The following ZNF263 variants were observed in gnomAD, a reference collection of about 807,000 sequenced individuals.
ZNF263 encodes the protein zinc finger protein 263, also known as zinc finger protein FPM315.
A neutral mutation model predicts 63.1 loss-of-function variants in ZNF263; 49 were observed. The observed-to-expected ratio is 0.78, with a 90% CI of 0.62 to 0.99. The LOEUF (loss-of-function observed/expected upper bound fraction) is 0.99. ZNF263 is among the 50% of genes least tolerant of loss of function. The pLI is 0.00. For missense variants in ZNF263, 872 were observed against 854.8 expected (o/e 1.02, Z -0.25); for synonymous variants, 352 against 324.2 (o/e 1.09, Z -0.92).
chr16:3,299,545 C>T lies in ZNF263; in HGVS notation c.*46+389C>T, dbSNP rs1337825325. On this transcript the variant is annotated intron_variant, in intron 2 of 2. Transcript: ENST00000574674. Reference sequence around the variant, plus strand: ...ATCTCCTTTCTCTTGCTCATCATCACTTTCTTCAAATATTACAAGACTCTC... The same window carrying T: ...ATCTCCTTTCTCTTGCTCATCATCATTTTCTTCAAATATTACAAGACTCTC... 2.0e-6 allele frequency: 3 copies of T among 1,526,226 alleles called. No homozygotes were observed. Among genetic ancestry groups the T allele is most frequent in the Non-Finnish European group, 2.6e-6 (3 of 1,141,006 alleles). 94.5% of individuals were successfully genotyped at this position (1,526,226 alleles called of 1,614,324 possible). A position where few individuals can be genotyped will look rare whatever the true frequency, so the allele number is the denominator to read the frequency against.
At chr16:3,286,225 G>C in intron 4 of ZNF263, 76 bp downstream of exon 4, 1 of 1,502,080 alleles carries the variant, frequency 6.7e-7, no homozygotes, top group South Asian at 1.4e-5. Context: ...TTCACCTCCT[G>C]GACACAGACT....
downstream of ZNF263, among the ~76,000 whole-genome samples, chr16:3,292,485 A>G (rs1320574257): frequency 6.6e-6 from 1 of 152,190 alleles, no homozygotes; most frequent in East Asian, 1.9e-4. Flanking sequence ...CAACAGTGGT[A>G]GGAGCAGGAC....
intron 2 of ZNF263, chr16:3,300,263 C>G: frequency 6.2e-7 from 1 of 1,614,222 alleles, no homozygotes; most frequent in Non-Finnish European, 8.5e-7. Context: ...GCTTTGAAAT[C>G]TGTTCGCCCA....
Position 3,283,967 on chromosome 16 carries a change from A to G in ZNF263, c.149A>G (p.Gln50Arg), listed in dbSNP as rs1274861395. 1.2e-6 allele frequency: 2 copies of G among 1,613,940 alleles called. No homozygotes were observed. The highest frequency in any genetic ancestry group is 1.7e-6 in the Non-Finnish European group (2 of 1,179,990). The change falls in exon 1 of 6, where the codon CAA becomes CGA. Residue 50 changes from glutamine (Q) to arginine (R), a missense_variant. By Grantham distance (43) the Gln-to-Arg change is conservative. Transcript: ENST00000219069. ...TTGCGCTTCAGACGGTTCCGCTTCCAAGAGGCAGCTGGTCCCCGGGAAGCC... is the reference window on the plus strand; with the variant it reads ...TTGCGCTTCAGACGGTTCCGCTTCCGAGAGGCAGCTGGTCCCCGGGAAGCC... ...SHLRFRRFRFQEAAGPREALS... is the reference protein window; with the variant it reads ...SHLRFRRFRFREAAGPREALS...
At chr16:3,299,043 A>G (rs778748902) in intron 1 of ZNF263, 1 of 1,381,102 alleles carries the variant, frequency 7.2e-7, no homozygotes, top group Non-Finnish European at 9.4e-7. Context: ...AAAAGCTACC[A>G]ATTCTAGAAT....
At chr16:3,287,700 C>G (rs1959430228) in intron 4 of ZNF263, among the ~76,000 whole-genome samples, 1 of 151,906 alleles carries the variant, frequency 6.6e-6, no homozygotes, top group African/African-American at 2.4e-5. Flanking sequence ...AGAAATGGCA[C>G]TTGTGGGTTT....
In ZNF263 at chr16:3,283,878, G is replaced by C. The variant is rs148847911; in HGVS notation, c.60G>C (p.Glu20Asp). The C allele has an allele frequency of 4.1e-5, 66 of 1,609,014 alleles. No homozygotes were observed. The African/African-American group carries it at 7.7e-4, about 19-fold the overall frequency. ...REGLLIVKLE[E>D]DCAWSQELPP... ...GGCTCCTGATAGTGAAGCTGGAGGA[G>C]GACTGCGCCTGGAGCCAGGAGCTGC... is the stretch of plus-strand genomic sequence containing the variant. Residue 20 changes from glutamate (E) to aspartate (D), a missense_variant, in exon 1 of 6, where the codon GAG (glutamate) becomes GAC (aspartate). By Grantham distance (45) the Glu-to-Asp change is conservative. Coordinates refer to ENST00000219069, the MANE Select transcript of ZNF263 (RefSeq NM_005741.5).
chr16:3,290,311 C>T lies in ZNF263; in HGVS notation c.1805C>T (p.Pro602Leu), dbSNP rs573207879. 20 of 1,614,018 alleles carry T rather than the reference C, an allele frequency of 1.2e-5. No homozygotes were observed. Among genetic ancestry groups the T allele is most frequent in the South Asian group, 3.3e-5 (3 of 91,058 alleles). ...CAGAGAACACACACAGGAGAGAAAC[C>T]GTATAAATGTACCCTTTGTGGGGAA... Reference protein sequence around the residue: ...RHQRTHTGEKPYKCTLCGENF... With the variant: ...RHQRTHTGEKLYKCTLCGENF... Residue 602 changes from proline (P) to leucine (L), a missense_variant, in exon 6 of 6, where the codon CCG becomes CTG. Pro to Leu is a moderately conservative substitution (Grantham distance 98, BLOSUM62 -3). Transcript: ENST00000219069.
intron 5 of ZNF263, 138 bp downstream of exon 5, chr16:3,288,708 C>T (rs565291458): frequency 3.3e-5 from 18 of 547,584 alleles, no homozygotes; most frequent in Admixed American, 1.4e-4. Context: ...TGCAACAGTG[C>T]GATCTCGGCT....
intron 1 of ZNF263, among the ~76,000 whole-genome samples, chr16:3,297,309 AAG>A (rs1315964275): frequency 1.5e-4 from 22 of 151,704 alleles, no homozygotes; most frequent in Non-Finnish European, 1.9e-4. Flanking sequence ...AAAAAAAAAA[AAG>A]AGAAATTCAT....
intron 4 of ZNF263, among the ~76,000 whole-genome samples, chr16:3,287,422 T>G (rs1959414162): frequency 6.9e-6 from 1 of 145,654 alleles, no homozygotes; most frequent in African/African-American, 2.5e-5. Flanking sequence ...TTTTTTTTTT[T>G]TTTTTTTGAA....
At chr16:3,285,887 C>A (rs1267278238) in intron 3 of ZNF263, 133 bp downstream of exon 3, 4 of 1,545,682 alleles carry the variant, frequency 2.6e-6, no homozygotes, top group Non-Finnish European at 3.6e-6. Flanking sequence ...TATTTCACAC[C>A]TCACTTGGAG....
chr16:3,289,065 G>A (rs1283106551), intron 5 of ZNF263, among the ~76,000 whole-genome samples: 1 of 152,202 alleles, frequency 6.6e-6, no homozygotes. Context: ...CCAGGGTGCA[G>A]AGTTCAAGGA....
In ZNF263 at chr16:3,289,601, A is replaced by G; in HGVS notation, c.1095A>G (p.Glu365=). The G allele has an allele frequency of 6.2e-7, 1 of 1,614,176 alleles. No individual in the cohort carries two copies. Among genetic ancestry groups the G allele is most frequent in the Non-Finnish European group, 8.5e-7 (1 of 1,180,038 alleles). ...TGGCAGGAGCCTCAAGTGGCAGAGA[A>G]CTGGGGCGACCGAAGGAACTGCAGC... is the stretch of plus-strand genomic sequence containing the variant. ...QALAGASSGR[E]LGRPKELQPK... Residue 365 remains glutamate (E), a synonymous_variant, in exon 6 of 6, where the codon GAA becomes GAG. Transcript: ENST00000219069.
At chr16:3,287,383 G>A (rs1213476194) in intron 4 of ZNF263, among the ~76,000 whole-genome samples, 1 of 150,614 alleles carries the variant, frequency 6.6e-6, no homozygotes, top group Non-Finnish European at 1.5e-5. Flanking sequence ...TGGAATTACA[G>A]GTGTGAGCCA....
Position 3,284,163 on chromosome 16 carries a change from T to G in ZNF263, c.345T>G (p.Leu115=). The part of the protein sequence containing the change: ...HPESGEEAVT[L]VEDMQRELGR... ...AGAGCGGCGAAGAAGCGGTGACCCTTGTGGAGGATATGCAGAGAGAGCTTG... is the reference window on the plus strand; with the variant it reads ...AGAGCGGCGAAGAAGCGGTGACCCTGGTGGAGGATATGCAGAGAGAGCTTG... Residue 115 remains leucine (L), a synonymous_variant, in exon 1 of 6, where the codon CTT becomes CTG. Transcript: ENST00000219069. 1 of 1,585,628 alleles carries G rather than the reference T, an allele frequency of 6.3e-7. No individual in the cohort carries two copies. The highest frequency in any genetic ancestry group is 8.6e-7 in the Non-Finnish European group (1 of 1,165,148).
intron 4 of ZNF263, 90 bp from the exon 5 acceptor site, chr16:3,288,360 GTATT>G: frequency 1.1e-6 from 1 of 879,136 alleles, no homozygotes; most frequent in Non-Finnish European, 1.9e-6. Context: ...GGAGCATTCT[GTATT>G]TATCCACTGA....
At chr16:3,288,891 C>G (rs1407446227) in intron 5 of ZNF263, among the ~76,000 whole-genome samples, 5 of 152,126 alleles carry the variant, frequency 3.3e-5, no homozygotes, top group African/African-American at 1.2e-4. Context: ...ATCCACCCAC[C>G]TCGGCCTCCC....
chr16:3,283,596 C>T lies in ZNF263; in HGVS notation c.-223C>T. On this transcript the variant is annotated 5_prime_UTR_variant, in exon 1 of 6. Transcript: ENST00000219069. ...CGCTCGGTTCCTGCCTCGGGGAAGT[C>T]CTGGCGCAGATGGGCCACGGGGCCG... The T allele has an allele frequency of 1.9e-6, 1 of 526,464 alleles. No homozygotes were observed. The highest frequency in any genetic ancestry group is 2.9e-6 in the Non-Finnish European group (1 of 345,712). 32.6% of individuals were successfully genotyped at this position (526,464 alleles called of 1,614,324 possible).
Sources: allele counts gnomAD v4.1 joint callset (sites outside exome capture counted in the v4.1 genomes callset), GRCh38; gene constraint gnomAD v4.1.1; transcripts MANE v1.5; gene names NCBI Gene and HGNC (gene_info 2026-07-23, HGNC 2026-07-21).